The following NF1 variants were observed in gnomAD, a reference collection of about 807,000 sequenced individuals.
The protein encoded by NF1 is neurofibromin.
NF1 carries 122 observed loss-of-function variants against 325.7 expected under a neutral mutation model. The observed-to-expected ratio is 0.37, with a 90% CI of 0.32 to 0.44. The LOEUF (loss-of-function observed/expected upper bound fraction) is 0.44, where lower values mean the gene tolerates loss of function less well. Ranked by LOEUF, NF1 falls within the 20% of genes least tolerant of loss-of-function variation. The pLI is 1.00. For synonymous variants in NF1, 1,091 were observed against 1,186.0 expected (o/e 0.92, Z 1.65); for missense variants, 2,140 against 3,415.4 (o/e 0.63, Z 9.31).
At chr17:31,364,148 G>C (rs1321110748) in intron 57 of NF1, among the ~76,000 whole-genome samples, 1 of 152,160 alleles carries the variant, frequency 6.6e-6, no homozygotes, top group Admixed American at 6.5e-5. Context: ...TAGCTGTATA[G>C]AAACCAAAAC....
At chr17:31,201,377 G>T (rs1221639380) in intron 10 of NF1, 34 bp from the exon 11 acceptor site, 7 of 1,573,062 alleles carry the variant, frequency 4.4e-6, no homozygotes, top group Non-Finnish European at 5.2e-6. Flanking sequence ...TTTTCTCATA[G>T]AAATAATCTG....
chr17:31,098,094 CTTATATATA>C (rs1218491561), intron 1 of NF1, among the ~76,000 whole-genome samples: 6 of 148,078 alleles, frequency 4.1e-5, no homozygotes, highest in Non-Finnish European at 5.9e-5. Context: ...ACATAAGGTA[CTTATATATA>C]TTATATATAG....
chr17:31,357,104 CT>C lies in NF1; in HGVS notation c.7869+19del. The C allele has an allele frequency of 1.9e-6, 3 of 1,612,834 alleles. No individual in the cohort carries two copies. Among genetic ancestry groups the C allele is most frequent in the Non-Finnish European group, 2.5e-6 (3 of 1,179,928 alleles). On this transcript the variant is annotated intron_variant, in intron 53 of 57. Transcript: ENST00000358273. Reference sequence around the variant, plus strand: ...CTTACTGTTCTAGTAAGGATTTCCCCTTTTTGAGTCCCCCACCCTCAAATTT... The same window carrying C: ...CTTACTGTTCTAGTAAGGATTTCCCCTTTTGAGTCCCCCACCCTCAAATTT...
At chr17:31,355,926 A>G (rs538093537) in intron 51 of NF1, 2 of 155,956 alleles carry the variant, frequency 1.3e-5, no homozygotes, top group South Asian at 1.9e-4. Flanking sequence ...GCTACTTGCT[A>G]TTTTTGAAGC....
rs368987794 is a variant in NF1, at chr17:31,296,371, T to C, written c.4836-29449T>C. ...AAACAGATACACCCTTCTTTTAATATGCAAATACAGTTTAGGCATCTGCAT... is the reference window on the plus strand; with the variant it reads ...AAACAGATACACCCTTCTTTTAATACGCAAATACAGTTTAGGCATCTGCAT... On this transcript the variant is annotated intron_variant, in intron 36 of 57. Coordinates refer to ENST00000358273, the MANE Select transcript of NF1 (RefSeq NM_001042492.3). 2.9e-4 allele frequency: 469 copies of C among 1,612,566 alleles called. 2 individuals carry two copies. Among genetic ancestry groups the C allele is most frequent in the South Asian group, 7.5e-4 (68 of 90,876 alleles).
At chr17:31,306,797 TAAA>T (rs200513481) in intron 36 of NF1, among the ~76,000 whole-genome samples, 3 of 139,062 alleles carry the variant, frequency 2.2e-5, no homozygotes, top group African/African-American at 2.6e-5. Flanking sequence ...TTTAGGAGAT[TAAA>T]AAAAAAAAAA....
In NF1 at chr17:31,358,403, A is replaced by G. The variant is rs1054432464; in HGVS notation, c.7971-77A>G. ...TTTGGCACATTATTCTGGGGAATGT[A>G]TATTATGTTTTCCACTACATATTTT... On this transcript the variant is annotated intron_variant, in intron 54 of 57. Coordinates refer to ENST00000358273, the MANE Select transcript of NF1 (RefSeq NM_001042492.3). The G allele has an allele frequency of 3.8e-5, 53 of 1,392,056 alleles. No individual in the cohort carries two copies. The East Asian group carries it at 1.2e-3, about 32-fold the overall frequency. The allele number at this position is 1,392,056 out of a possible 1,614,324, so 86.2% of individuals were successfully genotyped here.
intron 36 of NF1, among the ~76,000 whole-genome samples, chr17:31,288,715 G>A (rs189665757): frequency 6.6e-5 from 10 of 152,006 alleles, no homozygotes; most frequent in Admixed American, 2.6e-4. Flanking sequence ...TTTTAGTAGC[G>A]ATAGGGTTTC....
chr17:31,100,609 G>T (rs1159919982), intron 1 of NF1, among the ~76,000 whole-genome samples: 1 of 151,646 alleles, frequency 6.6e-6, no homozygotes, highest in Non-Finnish European at 1.5e-5. Context: ...TCACTCTGTC[G>T]CCCAGGCTGG....
intron 57 of NF1, among the ~76,000 whole-genome samples, chr17:31,367,818 G>A (rs539894453): frequency 1.3e-5 from 2 of 152,014 alleles, no homozygotes; most frequent in African/African-American, 2.4e-5. Context: ...CCTGGGTAAC[G>A]TGGCAAAACC....
Position 31,248,996 on chromosome 17 carries a change from A to G in NF1, c.3987A>G (p.Ser1329=), listed in dbSNP as rs753270018. The G allele has an allele frequency of 7.4e-6, 12 of 1,613,998 alleles. No homozygotes were observed. Among genetic ancestry groups the G allele is most frequent in the Non-Finnish European group, 1.0e-5 (12 of 1,179,990 alleles). The change falls in exon 30 of 58, where the codon TCA becomes TCG. Residue 1329 remains serine (S), a synonymous_variant. Transcript: ENST00000358273. The part of the protein sequence containing the change: ...FEVDPTRLEP[S]ESLEENQRNL... ...TATTTTTTTGTAGGTTAGAACCATC[A>G]GAGAGCCTTGAGGAAAACCAGCGGA...
At chr17:31,345,257 CT>C (rs1331758889) in intron 48 of NF1, among the ~76,000 whole-genome samples, 2 of 152,206 alleles carry the variant, frequency 1.3e-5, no homozygotes, top group Non-Finnish European at 2.9e-5. Context: ...TTATTGGGCT[CT>C]TAGAGCATAT....
At chr17:31,295,756 A>T in intron 36 of NF1, 1 of 1,614,140 alleles carries the variant, frequency 6.2e-7, no homozygotes, top group South Asian at 1.1e-5. Flanking sequence ...GATGTGTGAG[A>T]TTTGTCAGGT....
chr17:31,115,237 C>T (rs751104845), intron 1 of NF1, among the ~76,000 whole-genome samples: 3 of 152,114 alleles, frequency 2.0e-5, no homozygotes, highest in Non-Finnish European at 4.4e-5. Context: ...GGGATGCTGT[C>T]AGGCATCCTG....
intron 1 of NF1, among the ~76,000 whole-genome samples, chr17:31,124,899 C>T (rs1444575328): frequency 6.6e-6 from 1 of 151,444 alleles, no homozygotes; most frequent in African/African-American, 2.4e-5. Context: ...CCGTGCCTGG[C>T]CTTGAATTTT....
intron 36 of NF1, among the ~76,000 whole-genome samples, chr17:31,279,911 A>G (rs930091850): frequency 1.3e-5 from 2 of 152,196 alleles, no homozygotes; most frequent in African/African-American, 4.8e-5. Context: ...ATAATCAAAG[A>G]AAAATGATTT....
At chr17:31,338,206 T>G (rs1445564351) in intron 45 of NF1, 67 bp downstream of exon 45, 2 of 1,168,054 alleles carry the variant, frequency 1.7e-6, no homozygotes, top group Non-Finnish European at 2.6e-6. Flanking sequence ...TATCTTTCAT[T>G]TTTCTAAAAG....
intron 1 of NF1, among the ~76,000 whole-genome samples, chr17:31,108,317 C>T (rs571563521): frequency 7.0e-5 from 9 of 128,026 alleles, no homozygotes; most frequent in African/African-American, 2.9e-4. Context: ...CTCTATTACC[C>T]AGGCTGGAGT....
intron 36 of NF1, chr17:31,299,392 ATAT>A (rs2068529912): frequency 6.6e-6 from 1 of 152,058 alleles, no homozygotes; most frequent in Non-Finnish European, 1.5e-5. Context: ...CTTATTTTAA[ATAT>A]TATTCAGACT....
Sources: allele counts gnomAD v4.1 joint callset (sites outside exome capture counted in the v4.1 genomes callset), GRCh38; gene constraint gnomAD v4.1.1; transcripts MANE v1.5; gene names NCBI Gene and HGNC (gene_info 2026-07-23, HGNC 2026-07-21).